The following RANBP2 variants were observed in gnomAD, a reference collection of about 807,000 sequenced individuals.
RANBP2 encodes RAN binding protein 2, also known as E3 SUMO-protein ligase RanBP2.
Under a neutral mutation model 303.6 loss-of-function variants are expected in RANBP2, and 57 were observed. That is an observed-to-expected ratio of 0.19 (90% CI 0.15 to 0.23). RANBP2 has a LOEUF of 0.23. RANBP2 is among the 10% of genes least tolerant of loss of function. The probability of loss-of-function intolerance (pLI) is 1.00; values close to 1 mark genes in which losing one functional copy is unlikely to be tolerated. For missense variants in RANBP2, 3,138 were observed against 3,780.8 expected (o/e 0.83, Z 4.46); for synonymous variants, 1,167 against 1,301.5 (o/e 0.90, Z 2.23).
chr2:109,216,461 G>A, the RANBP2 span, among the ~76,000 whole-genome samples: 5 of 152,210 alleles, frequency 3.3e-5, no homozygotes, highest in Admixed American at 2.0e-4. Flanking sequence ...ACTTGAGGGC[G>A]GTGCAGGGCT....
At chr2:109,551,575 G>A in the RANBP2 span, among the ~76,000 whole-genome samples, 5 of 152,086 alleles carry the variant, frequency 3.3e-5, no homozygotes, top group African/African-American at 1.2e-4. Context: ...GTGAGATTAT[G>A]GTATTCCTGT....
At chr2:109,005,356 C>T in the RANBP2 span, among the ~76,000 whole-genome samples, 30 of 152,190 alleles carry the variant, frequency 2.0e-4, no homozygotes, top group Admixed American at 1.6e-3. Context: ...TCCTGATCTC[C>T]ACAAGTAGAC....
At chr2:109,173,431 A>ATGACATAGTTCTTCATTGCC in the RANBP2 span, among the ~76,000 whole-genome samples, 3 of 152,270 alleles carry the variant, frequency 2.0e-5, no homozygotes, top group East Asian at 5.8e-4. Context: ...ATTCGGATAA[A>ATGACATAGTTCTTCATTGCC]TGACATAGTT....
At chr2:109,512,142 G>A in the RANBP2 span, among the ~76,000 whole-genome samples, 3 of 152,124 alleles carry the variant, frequency 2.0e-5, no homozygotes, top group African/African-American at 4.8e-5. Context: ...GGGCTTGTCC[G>A]CCCTCCTCGG....
the RANBP2 span, among the ~76,000 whole-genome samples, chr2:109,124,160 GCCA>G: frequency 5.4e-3 from 816 of 151,408 alleles, 8 homozygotes; most frequent in African/African-American, 0.018. Flanking sequence ...AAAGGCACAT[GCCA>G]CCACATGTAT....
At chr2:108,972,707 C>T in the RANBP2 span, among the ~76,000 whole-genome samples, 1 of 152,242 alleles carries the variant, frequency 6.6e-6, no homozygotes, top group South Asian at 2.1e-4. Flanking sequence ...GAAAAATAAG[C>T]AGCCCTCATC....
chr2:109,164,211 C>A, the RANBP2 span, among the ~76,000 whole-genome samples: 1 of 152,078 alleles, frequency 6.6e-6, no homozygotes, highest in Non-Finnish European at 1.5e-5. Context: ...TGGGGCCTTG[C>A]TCTGTTGCCC....
At chr2:109,391,261 C>CCAGCCCATTGGG in the RANBP2 span, among the ~76,000 whole-genome samples, 3 of 152,274 alleles carry the variant, frequency 2.0e-5, no homozygotes, top group African/African-American at 7.2e-5. Context: ...CCTCAGCTTG[C>CCAGCCCATTGGG]CAGCCCATTG....
the RANBP2 span, among the ~76,000 whole-genome samples, chr2:109,031,129 C>G: frequency 3.8e-3 from 585 of 152,234 alleles, 8 homozygotes; most frequent in African/African-American, 0.013. Flanking sequence ...CTCCGGGTCC[C>G]TAAGTCCATT....
At chr2:109,084,782 C>T in the RANBP2 span, among the ~76,000 whole-genome samples, 1 of 152,182 alleles carries the variant, frequency 6.6e-6, no homozygotes, top group Admixed American at 6.5e-5. Context: ...ACAGCATGAA[C>T]ACTGTGGACG....
chr2:109,098,846 TACCCGG>T, the RANBP2 span, among the ~76,000 whole-genome samples: 1 of 152,216 alleles, frequency 6.6e-6, no homozygotes, highest in Non-Finnish European at 1.5e-5. Flanking sequence ...TTTCCTGTAA[TACCCGG>T]TTATTTGGCT....
chr2:109,234,164 G>A, the RANBP2 span, among the ~76,000 whole-genome samples: 22,104 of 152,108 alleles, frequency 0.15, 3,039 homozygotes, highest in African/African-American at 0.35. Flanking sequence ...ATACCATGAA[G>A]TTAATAGTAT....
chr2:108,955,295 C>T, the RANBP2 span, among the ~76,000 whole-genome samples: 1 of 152,018 alleles, frequency 6.6e-6, no homozygotes, highest in Non-Finnish European at 1.5e-5. Flanking sequence ...GTATTTACAA[C>T]AGTAAGTGCT....
the RANBP2 span, among the ~76,000 whole-genome samples, chr2:109,380,979 C>T: frequency 1.3e-5 from 2 of 152,212 alleles, no homozygotes; most frequent in Non-Finnish European, 2.9e-5. Context: ...TGCTGATTGC[C>T]GACTGTTTTG....
the RANBP2 span, among the ~76,000 whole-genome samples, chr2:109,627,956 T>C: frequency 6.6e-6 from 1 of 152,178 alleles, no homozygotes; most frequent in Non-Finnish European, 1.5e-5. Context: ...ATGAAAGATT[T>C]GTGGTGAACA....
the RANBP2 span, among the ~76,000 whole-genome samples, chr2:108,931,496 T>C: frequency 6.6e-6 from 1 of 152,178 alleles, no homozygotes; most frequent in Non-Finnish European, 1.5e-5. Flanking sequence ...TGTTCTTCCC[T>C]CTCTCTGTTA....
chr2:109,313,759 A>G, the RANBP2 span: 1 of 154,964 alleles, frequency 6.5e-6, no homozygotes, highest in Non-Finnish European at 1.5e-5. Flanking sequence ...GTTTCTTTGT[A>G]GCGATGGGGT....
the RANBP2 span, among the ~76,000 whole-genome samples, chr2:108,911,696 T>C: frequency 6.6e-6 from 1 of 152,160 alleles, no homozygotes; most frequent in Non-Finnish European, 1.5e-5. Context: ...AAGCTCATTC[T>C]CATTCTCTAA....
chr2:108,721,579 C>G (rs1694251474), intron 1 of RANBP2, among the ~76,000 whole-genome samples: 1 of 152,004 alleles, frequency 6.6e-6, no homozygotes, highest in Non-Finnish European at 1.5e-5. Context: ...TAGTTGGGAC[C>G]ACAGGTGTAC....
Sources: gnomAD v4.1 joint callset for allele counts (sites outside exome capture counted in the v4.1 genomes callset) on GRCh38, gnomAD v4.1.1 for gene constraint, MANE v1.5 for transcripts, NCBI Gene and HGNC (gene_info 2026-07-23, HGNC 2026-07-21) for gene names.